The following DCC variants were observed in gnomAD, a reference collection of about 807,000 sequenced individuals.
DCC encodes netrin receptor DCC.
A neutral mutation model predicts 172.5 loss-of-function variants in DCC; 58 were observed. The ratio of observed to expected loss-of-function variants is 0.34; its 90% CI spans 0.27 to 0.42. The LOEUF (loss-of-function observed/expected upper bound fraction) is 0.42. Ranked by LOEUF, DCC falls within the 10% of genes least tolerant of loss-of-function variation. The pLI is 1.00. For missense variants in DCC, 1,740 were observed against 1,791.0 expected (o/e 0.97, Z 0.51); for synonymous variants, 709 against 644.5 (o/e 1.10, Z -1.52).
intron 5 of DCC, among the ~76,000 whole-genome samples, chr18:53,028,206 A>T (rs1599043366): frequency 6.6e-6 from 1 of 152,152 alleles, no homozygotes; most frequent in Admixed American, 6.6e-5. Flanking sequence ...AAGTGCTATT[A>T]TCCATATCTG....
Position 53,391,686 on chromosome 18 carries a change from G to A in DCC, c.2487G>A (p.Leu829=), listed in dbSNP as rs1196801831. Residue 829 remains leucine, a synonymous_variant, in exon 17 of 29, where the codon TTG becomes TTA. Coordinates refer to ENST00000442544, the MANE Select transcript of DCC (RefSeq NM_005215.4). ...CTGACCCAGTTGATTATTATCCTTT[G>A]CTTGATGATTTCCCCACCTCGGTCC... ...DPTDPVDYYP[L]LDDFPTSVPD... 6.2e-7 allele frequency: 1 copy of A among 1,613,922 alleles called. No homozygotes were observed. The highest frequency in any genetic ancestry group is 8.5e-7 in the Non-Finnish European group (1 of 1,179,934).
chr18:52,791,918 C>CT lies in DCC; in HGVS notation c.412+39545dup, dbSNP rs780891159. Among the ~76,000 whole-genome samples the CT allele has an allele frequency of 2.6e-5, 4 of 152,108 alleles. No homozygotes were observed. The East Asian group carries it at 7.7e-4, about 29-fold the overall frequency. ...TAGGTATCAAATGGCCATTTTCCTG[C>CT]TGATGGGATAGTATTGACACTAAAA... is the stretch of plus-strand genomic sequence containing the variant. On this transcript the variant is annotated intron_variant, in intron 2 of 28. Transcript: ENST00000442544.
At chr18:52,459,681 GGA>G (rs1362498927) in intron 1 of DCC, among the ~76,000 whole-genome samples, 1 of 151,928 alleles carries the variant, frequency 6.6e-6, no homozygotes, top group Non-Finnish European at 1.5e-5. Flanking sequence ...ATGTTAGCCA[GGA>G]TGGTCTCGAT....
At chr18:52,841,000 G>A (rs1335724623) in intron 2 of DCC, among the ~76,000 whole-genome samples, 1 of 152,082 alleles carries the variant, frequency 6.6e-6, no homozygotes, top group African/African-American at 2.4e-5. Flanking sequence ...ACAATGACTG[G>A]GTGTGGAAGC....
At chr18:52,758,486 T>C (rs964495437) in intron 2 of DCC, among the ~76,000 whole-genome samples, 1 of 152,196 alleles carries the variant, frequency 6.6e-6, no homozygotes, top group Non-Finnish European at 1.5e-5. Flanking sequence ...ATAATTAAAA[T>C]TCCCCTGTGT....
Position 53,467,968 on chromosome 18 carries a change from G to A in DCC, c.3694G>A (p.Ala1232Thr). Residue 1232 changes from alanine (A) to threonine (T), a missense_variant, in exon 25 of 29, where the codon GCC becomes ACC. Physicochemically the swap from Ala to Thr is moderately conservative, Grantham distance 58. Transcript: ENST00000442544. Reference protein sequence around the residue: ...RSLAARRAPRAKLMIPMDAQS... With the variant: ...RSLAARRAPRTKLMIPMDAQS... ...GCTGGCTGCACGCCGAGCCCCCCGG[G>A]CCAAGCTCATGATTCCCATGGATGC... 2 of 1,611,882 alleles carry A rather than the reference G, an allele frequency of 1.2e-6. No homozygotes were observed. Among genetic ancestry groups the A allele is most frequent in the Non-Finnish European group, 1.7e-6 (2 of 1,178,158 alleles).
chr18:53,160,754 C>T (rs1379350799), intron 8 of DCC, among the ~76,000 whole-genome samples: 1 of 152,162 alleles, frequency 6.6e-6, no homozygotes, highest in Non-Finnish European at 1.5e-5. Context: ...TCTCCAACAC[C>T]TTCCGCCTTT....
At chr18:53,181,329 AT>A (rs924227449) in intron 9 of DCC, among the ~76,000 whole-genome samples, 11 of 151,446 alleles carry the variant, frequency 7.3e-5, no homozygotes, top group South Asian at 2.1e-4. Flanking sequence ...AAGAATGAGC[AT>A]TTTTTTTCCC....
chr18:53,486,464 T>G (rs1221870598), intron 25 of DCC, among the ~76,000 whole-genome samples: 1 of 152,176 alleles, frequency 6.6e-6, no homozygotes, highest in Non-Finnish European at 1.5e-5. Context: ...TAGTTCATCC[T>G]TAAAAGAAAG....
intron 27 of DCC, among the ~76,000 whole-genome samples, chr18:53,511,766 G>T (rs530225064): frequency 6.6e-6 from 1 of 152,170 alleles, no homozygotes; most frequent in Admixed American, 6.5e-5. Context: ...CTTAAAAAAC[G>T]GCGCATCATG....
At chr18:52,521,960 C>T (rs927229073) in intron 1 of DCC, among the ~76,000 whole-genome samples, 2 of 151,892 alleles carry the variant, frequency 1.3e-5, no homozygotes, top group Admixed American at 1.3e-4. Flanking sequence ...ATCTATCAAG[C>T]CTAAAAAAAT....
At chr18:52,766,211 C>A (rs73463715) in intron 2 of DCC, among the ~76,000 whole-genome samples, 16,544 of 152,252 alleles carry the variant, frequency 0.11, 2,995 homozygotes, top group African/African-American at 0.38. Flanking sequence ...CCAGAGCAAG[C>A]ACTTTTGGGC....
chr18:53,482,690 A>G (rs2045847673), intron 25 of DCC, among the ~76,000 whole-genome samples: 2 of 149,822 alleles, frequency 1.3e-5, no homozygotes, highest in Admixed American at 6.7e-5. Flanking sequence ...AGTATTTTCT[A>G]TATTTAAAGG....
intron 25 of DCC, among the ~76,000 whole-genome samples, chr18:53,476,119 A>T (rs2045759041): frequency 6.6e-6 from 1 of 152,174 alleles, no homozygotes; most frequent in African/African-American, 2.4e-5. Flanking sequence ...AAATGCCTGT[A>T]ACCCCATTTT....
intron 18 of DCC, among the ~76,000 whole-genome samples, chr18:53,400,517 C>T (rs1001303560): frequency 2.2e-4 from 33 of 152,180 alleles, no homozygotes; most frequent in African/African-American, 7.5e-4. Context: ...CCAGGCAGAA[C>T]TCAAGAACTC....
intron 3 of DCC, among the ~76,000 whole-genome samples, chr18:52,909,135 G>T (rs1213139597): frequency 6.6e-6 from 1 of 152,128 alleles, no homozygotes; most frequent in Non-Finnish European, 1.5e-5. Flanking sequence ...TCTCTTAGTT[G>T]CCACTTAGCG....
At chr18:52,648,985 C>T (rs2035069990) in intron 1 of DCC, among the ~76,000 whole-genome samples, 1 of 152,138 alleles carries the variant, frequency 6.6e-6, no homozygotes, top group African/African-American at 2.4e-5. Context: ...TTCCCCCATG[C>T]AGAAAAATGC....
intron 5 of DCC, among the ~76,000 whole-genome samples, chr18:53,025,947 T>C (rs1021808939): frequency 7.9e-5 from 12 of 152,168 alleles, no homozygotes; most frequent in African/African-American, 2.9e-4. Flanking sequence ...AAAAAATCTT[T>C]ATACTGTTTA....
At chr18:52,643,545 CTAAT>C (rs1478279981) in intron 1 of DCC, among the ~76,000 whole-genome samples, 1 of 152,142 alleles carries the variant, frequency 6.6e-6, no homozygotes, top group Non-Finnish European at 1.5e-5. Flanking sequence ...TACTCATCAG[CTAAT>C]TATGGTCCCA....
Sources: allele counts gnomAD v4.1 joint callset (sites outside exome capture counted in the v4.1 genomes callset), GRCh38; gene constraint gnomAD v4.1.1; transcripts MANE v1.5; gene names NCBI Gene and HGNC (gene_info 2026-07-23, HGNC 2026-07-21).